The following NKAIN3 variants were observed in gnomAD, a reference collection of about 807,000 sequenced individuals.
The protein encoded by NKAIN3 is sodium/potassium-transporting ATPase subunit beta-1-interacting protein 3.
NKAIN3 carries 25 observed loss-of-function variants against 30.2 expected under a neutral mutation model. The ratio of observed to expected loss-of-function variants is 0.83; its 90% CI spans 0.60 to 1.16. The LOEUF (loss-of-function observed/expected upper bound fraction) is 1.16, where lower values mean the gene tolerates loss of function less well. Ranked by LOEUF, NKAIN3 falls within the 50% of genes most tolerant of loss-of-function variation. NKAIN3 has a pLI of 0.00. For synonymous variants in NKAIN3, 91 were observed against 89.6 expected (o/e 1.02, Z -0.09); for missense variants, 225 against 254.1 (o/e 0.89, Z 0.78).
intron 3 of NKAIN3, among the ~76,000 whole-genome samples, chr8:62,599,732 C>T (rs969861134): frequency 6.6e-6 from 1 of 152,030 alleles, no homozygotes; most frequent in South Asian, 2.1e-4. Flanking sequence ...ACAGCTGTAA[C>T]AGTATTAATT....
chr8:62,579,351 A>G (rs563948916), intron 1 of NKAIN3, among the ~76,000 whole-genome samples, 188 bp from the exon 2 acceptor site: 2 of 152,240 alleles, frequency 1.3e-5, no homozygotes, highest in South Asian at 4.1e-4. Context: ...GCTTAAAACT[A>G]TCTTAGTATA....
At chr8:62,435,747 A>C (rs1354765817) in intron 1 of NKAIN3, among the ~76,000 whole-genome samples, 2 of 152,200 alleles carry the variant, frequency 1.3e-5, no homozygotes, top group African/African-American at 2.4e-5. Context: ...TATAAAATAC[A>C]AAAGTTATTA....
At chr8:62,898,027 G>A (rs1232148637) in intron 4 of NKAIN3, among the ~76,000 whole-genome samples, 1 of 152,086 alleles carries the variant, frequency 6.6e-6, no homozygotes, top group Non-Finnish European at 1.5e-5. Flanking sequence ...CAAGACACAT[G>A]CACCTCAAGG....
intron 1 of NKAIN3, among the ~76,000 whole-genome samples, chr8:62,566,119 C>T (rs528364716): frequency 6.6e-6 from 1 of 152,158 alleles, no homozygotes; most frequent in African/African-American, 2.4e-5. Context: ...TATGGAAATG[C>T]TTTGTTCTAC....
In NKAIN3 at chr8:62,345,622, T is replaced by C. The variant is rs190971197; in HGVS notation, c.54+96495T>C. On this transcript the variant is annotated intron_variant, in intron 1 of 6. Coordinates refer to ENST00000623646, the MANE Select transcript of NKAIN3 (RefSeq NM_001304533.3). ...ATACACATATATGTATATACACACA[T>C]ATATATACACATATATGTATATATA... 1.7e-3 allele frequency among the ~76,000 whole-genome samples: 222 copies of C among 129,828 alleles called. 4 individuals are homozygous for C. The highest frequency in any genetic ancestry group is 1.5e-3 in the Non-Finnish European group (98 of 64,806). The allele number at this position is 129,828 out of a possible 152,430, so 85.2% of individuals were successfully genotyped here. A position where few individuals can be genotyped will look rare whatever the true frequency, so the allele number is the denominator to read the frequency against.
At chr8:62,498,826 G>A (rs957328652) in intron 1 of NKAIN3, among the ~76,000 whole-genome samples, 2 of 151,822 alleles carry the variant, frequency 1.3e-5, no homozygotes, top group African/African-American at 4.8e-5. Context: ...AATGTAATGG[G>A]GAGGACTGAC....
intron 3 of NKAIN3, among the ~76,000 whole-genome samples, chr8:62,701,542 C>A (rs568501234): frequency 2.9e-4 from 44 of 152,254 alleles, no homozygotes; most frequent in South Asian, 8.3e-4. Flanking sequence ...ATCCCTCCTG[C>A]GCTCAGTTTA....
chr8:62,408,511 CT>C (rs1804145243), intron 1 of NKAIN3, among the ~76,000 whole-genome samples: 1 of 152,068 alleles, frequency 6.6e-6, no homozygotes, highest in African/African-American at 2.4e-5. Flanking sequence ...AAACATGTTT[CT>C]TATAGAGCAC....
rs866868678 is a variant in NKAIN3 at position 62,248,922 on chromosome 8, G to T, written c.-152G>T. ...CCCGCCGGGAAACTAACAAAGGCGG[G>T]CGCGAGCCCCGAGCCCTGGAGCCGC... On this transcript the variant is annotated 5_prime_UTR_variant, in exon 1 of 7. Transcript: ENST00000623646. 6.8e-5 allele frequency: 42 copies of T among 618,758 alleles called. No individual in the cohort carries two copies. Among genetic ancestry groups the T allele is most frequent in the Middle Eastern group, 4.4e-4 (1 of 2,290 alleles). 38.3% of individuals were successfully genotyped at this position (618,758 alleles called of 1,614,324 possible).
At chr8:62,291,212 G>A (rs151059677) in intron 1 of NKAIN3, among the ~76,000 whole-genome samples, 8,136 of 152,014 alleles carry the variant, frequency 0.054, 311 homozygotes, top group Middle Eastern at 0.088. Flanking sequence ...TGGATTTTTC[G>A]AAGGGTTTTT....
intron 4 of NKAIN3, among the ~76,000 whole-genome samples, chr8:62,802,186 A>G (rs1818090071): frequency 6.6e-6 from 1 of 152,232 alleles, no homozygotes. Flanking sequence ...ACAAGTTGGA[A>G]AACACAGTGC....
intron 3 of NKAIN3, among the ~76,000 whole-genome samples, chr8:62,722,510 T>C (rs1365156430): frequency 2.0e-5 from 3 of 152,222 alleles, no homozygotes; most frequent in Non-Finnish European, 4.4e-5. Context: ...TTGGCCCTTA[T>C]ACACTCATGA....
chr8:62,905,678 C>G (rs371772025), intron 4 of NKAIN3, among the ~76,000 whole-genome samples: 1 of 152,164 alleles, frequency 6.6e-6, no homozygotes, highest in South Asian at 2.1e-4. Context: ...GTCCAGTGTT[C>G]AACGCTCACT....
At chr8:62,804,398 T>C (rs1299338292) in intron 4 of NKAIN3, among the ~76,000 whole-genome samples, 1 of 152,124 alleles carries the variant, frequency 6.6e-6, no homozygotes, top group Non-Finnish European at 1.5e-5. Flanking sequence ...GCAAAAATCC[T>C]CAATAAAATA....
chr8:62,436,990 A>T (rs1805192158), intron 1 of NKAIN3, among the ~76,000 whole-genome samples: 1 of 152,230 alleles, frequency 6.6e-6, no homozygotes, highest in South Asian at 2.1e-4. Flanking sequence ...AGTCAATGAA[A>T]GATTGTTTAG....
intron 3 of NKAIN3, among the ~76,000 whole-genome samples, chr8:62,720,534 G>T (rs1022790887): frequency 2.6e-5 from 4 of 152,150 alleles, no homozygotes; most frequent in South Asian, 2.1e-4. Flanking sequence ...CCGACCCATG[G>T]ATTCCAGGTT....
intron 3 of NKAIN3, among the ~76,000 whole-genome samples, chr8:62,689,293 T>C (rs576651298): frequency 4.0e-4 from 61 of 152,306 alleles, no homozygotes; most frequent in African/African-American, 1.4e-3. Flanking sequence ...TTACTCTGTC[T>C]AGCTGCCCTA....
intron 1 of NKAIN3, among the ~76,000 whole-genome samples, chr8:62,364,876 A>G (rs937362137): frequency 2.1e-5 from 3 of 145,680 alleles, no homozygotes; most frequent in East Asian, 2.0e-4. Context: ...TTTTACTTCC[A>G]TAGTACACTT....
chr8:62,403,342 G>A (rs1414416802), intron 1 of NKAIN3, among the ~76,000 whole-genome samples: 1 of 152,224 alleles, frequency 6.6e-6, no homozygotes. Flanking sequence ...TAAGTAACAA[G>A]GAGCCAAACG....
Sources: gnomAD v4.1 joint callset for allele counts (sites outside exome capture counted in the v4.1 genomes callset) on GRCh38, gnomAD v4.1.1 for gene constraint, MANE v1.5 for transcripts, NCBI Gene and HGNC (gene_info 2026-07-23, HGNC 2026-07-21) for gene names.